SMYD3: variants seen among roughly 807,000 people sequenced by gnomAD.
The protein encoded by SMYD3 is SET and MYND domain containing 3.
SMYD3 carries 36 observed loss-of-function variants against 57.7 expected under a neutral mutation model. The ratio of observed to expected loss-of-function variants is 0.62; its 90% CI spans 0.48 to 0.82. SMYD3 has a LOEUF of 0.82. Among genes scored for constraint, SMYD3 ranks in the 40% least tolerant of loss-of-function variants. SMYD3 has a pLI of 0.00. For missense variants in SMYD3, 515 were observed against 538.8 expected (o/e 0.96, Z 0.44); for synonymous variants, 211 against 195.0 (o/e 1.08, Z -0.68).
chr1:246,447,248 G>C (rs1288420774), intron 1 of SMYD3, among the ~76,000 whole-genome samples: 1 of 152,162 alleles, frequency 6.6e-6, no homozygotes, highest in African/African-American at 2.4e-5. Flanking sequence ...GAGGAATTGG[G>C]GAGGTAATTA....
chr1:245,752,164 T>C (rs1320470874), intron 11 of SMYD3, among the ~76,000 whole-genome samples: 1 of 152,184 alleles, frequency 6.6e-6, no homozygotes, highest in African/African-American at 2.4e-5. Context: ...GATGTTCTCT[T>C]CCCTTTTACT....
chr1:245,815,301 T>A (rs905035684), intron 10 of SMYD3, among the ~76,000 whole-genome samples: 10 of 152,210 alleles, frequency 6.6e-5, no homozygotes, highest in African/African-American at 2.2e-4. Flanking sequence ...GTTGGTTAAC[T>A]CAACACGAAG....
chr1:246,412,907 T>C (rs1201172975), intron 1 of SMYD3, among the ~76,000 whole-genome samples: 1 of 150,146 alleles, frequency 6.7e-6, no homozygotes, highest in Non-Finnish European at 1.5e-5. Context: ...GAGATTAATA[T>C]AGTAGCAGTT....
At chr1:246,473,671 T>C (rs1402778549) in intron 1 of SMYD3, among the ~76,000 whole-genome samples, 1 of 152,204 alleles carries the variant, frequency 6.6e-6, no homozygotes, top group Non-Finnish European at 1.5e-5. Context: ...TATGACATAT[T>C]GTTATTATTA....
At chr1:246,088,217 GAC>G (rs776507530) in intron 5 of SMYD3, among the ~76,000 whole-genome samples, 14 of 151,518 alleles carry the variant, frequency 9.2e-5, no homozygotes, top group African/African-American at 3.4e-4. Flanking sequence ...TCAAAACAAG[GAC>G]ACACACACAC....
At chr1:246,123,946 T>C (rs1278631108) in intron 5 of SMYD3, among the ~76,000 whole-genome samples, 1 of 152,192 alleles carries the variant, frequency 6.6e-6, no homozygotes, top group Non-Finnish European at 1.5e-5. Flanking sequence ...TTACAAGTCA[T>C]GTCTGTCATC....
intron 5 of SMYD3, chr1:246,326,830 C>T: frequency 3.5e-6 from 1 of 285,890 alleles, no homozygotes. Context: ...AGGCTCTATG[C>T]TTAAACAACC....
intron 5 of SMYD3, among the ~76,000 whole-genome samples, chr1:246,190,784 T>C (rs1241529724): frequency 1.3e-5 from 2 of 152,096 alleles, no homozygotes; most frequent in South Asian, 4.1e-4. Context: ...CACCTTGTTC[T>C]CCAGCTATCA....
chr1:246,170,182 T>C (rs894063886), intron 5 of SMYD3, among the ~76,000 whole-genome samples: 2 of 152,092 alleles, frequency 1.3e-5, no homozygotes, highest in Non-Finnish European at 2.9e-5. Flanking sequence ...TTAAATAATA[T>C]ATTTTTCATT....
At chr1:246,022,628 T>C (rs975372050) in intron 5 of SMYD3, among the ~76,000 whole-genome samples, 13 of 152,236 alleles carry the variant, frequency 8.5e-5, no homozygotes, top group Non-Finnish European at 2.9e-5. Context: ...GGGCTGTATC[T>C]ATCAGCGTAG....
At chr1:246,233,862 A>G (rs2063467390) in intron 5 of SMYD3, among the ~76,000 whole-genome samples, 1 of 133,368 alleles carries the variant, frequency 7.5e-6, no homozygotes, top group Admixed American at 7.7e-5. Context: ...CATATACCAC[A>G]CAGAGGAGAA....
intron 10 of SMYD3, among the ~76,000 whole-genome samples, chr1:245,818,406 G>A (rs903666507): frequency 9.2e-5 from 14 of 152,074 alleles, no homozygotes; most frequent in African/African-American, 2.4e-4. Flanking sequence ...GCTAAACATC[G>A]AAAGGAACAA....
chr1:246,139,132 T>A (rs963820619), intron 5 of SMYD3, among the ~76,000 whole-genome samples: 1 of 152,226 alleles, frequency 6.6e-6, no homozygotes, highest in Non-Finnish European at 1.5e-5. Context: ...TTCAGGGGAC[T>A]GATTGAGTGT....
chr1:245,949,490 C>T (rs772472537), intron 5 of SMYD3, among the ~76,000 whole-genome samples: 5 of 152,186 alleles, frequency 3.3e-5, no homozygotes, highest in Non-Finnish European at 5.9e-5. Flanking sequence ...ACTACACTAC[C>T]GTGCGCACCC....
chr1:245,916,627 T>G (rs1183115765), intron 7 of SMYD3, among the ~76,000 whole-genome samples: 1 of 152,162 alleles, frequency 6.6e-6, no homozygotes, highest in Non-Finnish European at 1.5e-5. Context: ...CCTTAAAAAC[T>G]ACCCAGAATC....
intron 1 of SMYD3, among the ~76,000 whole-genome samples, chr1:246,464,905 T>A (rs570236890): frequency 1.2e-4 from 19 of 152,368 alleles, no homozygotes; most frequent in African/African-American, 4.3e-4. Flanking sequence ...TATAATCTGA[T>A]TTTAGCTTGA....
At chr1:246,482,771 C>T (rs938794267) in intron 1 of SMYD3, among the ~76,000 whole-genome samples, 1 of 152,170 alleles carries the variant, frequency 6.6e-6, no homozygotes, top group African/African-American at 2.4e-5. Context: ...ACACAAAGTG[C>T]TCCAGTTTCA....
intron 1 of SMYD3, among the ~76,000 whole-genome samples, chr1:246,444,351 C>T (rs1452556878): frequency 1.3e-5 from 2 of 152,108 alleles, no homozygotes; most frequent in Non-Finnish European, 2.9e-5. Flanking sequence ...GTCTCAAACT[C>T]CTGACCTTGT....
chr1:246,393,085 G>A (rs935036576), intron 1 of SMYD3, among the ~76,000 whole-genome samples: 21 of 151,938 alleles, frequency 1.4e-4, no homozygotes, highest in African/African-American at 4.1e-4. Context: ...CCCACAAATC[G>A]TTAAATACTG....
Sources: gnomAD v4.1 joint callset for allele counts (sites outside exome capture counted in the v4.1 genomes callset) on GRCh38, gnomAD v4.1.1 for gene constraint, MANE v1.5 for transcripts, NCBI Gene and HGNC (gene_info 2026-07-23, HGNC 2026-07-21) for gene names.